The following INPP4B variants were observed in gnomAD, a reference collection of about 807,000 sequenced individuals.
INPP4B encodes inositol polyphosphate 4-phosphatase type II.
Under a neutral mutation model 122.5 loss-of-function variants are expected in INPP4B, and 55 were observed. The ratio of observed to expected loss-of-function variants is 0.45; its 90% CI spans 0.36 to 0.56. The LOEUF (loss-of-function observed/expected upper bound fraction) is 0.56. Ranked by LOEUF, INPP4B falls within the 20% of genes least tolerant of loss-of-function variation. The pLI, the probability that INPP4B is intolerant of heterozygous loss-of-function variation, is 0.00. For synonymous variants in INPP4B, 403 were observed against 388.7 expected, an observed-to-expected ratio of 1.04 and a Z score of -0.43; for missense variants, 1,000 against 1,097.7, an observed-to-expected ratio of 0.91 and a Z score of 1.26.
chr4:142,639,546 C>T lies in INPP4B; in HGVS notation c.-191+86293G>A, dbSNP rs144189073. On this transcript the variant is annotated intron_variant, in intron 2 of 25. Coordinates refer to ENST00000262992, the MANE Select transcript of INPP4B (RefSeq NM_001101669.3). Reference sequence around the variant, plus strand: ...AGTTGTTTATTAAAATACCTATATCCAAATATTTTTATAAATATTGACTCT... The same window carrying T: ...AGTTGTTTATTAAAATACCTATATCTAAATATTTTTATAAATATTGACTCT... 7.1e-3 allele frequency among the ~76,000 whole-genome samples: 1,075 copies of T among 152,128 alleles called. 19 individuals are homozygous for T. Among genetic ancestry groups the T allele is most frequent in the African/African-American group, 0.025 (1,019 of 41,484 alleles).
intron 2 of INPP4B, among the ~76,000 whole-genome samples, chr4:142,688,484 T>C (rs1759697705): frequency 6.6e-6 from 1 of 152,136 alleles, no homozygotes. Flanking sequence ...CCATATCCTT[T>C]CCTGTCTCCT....
chr4:142,511,444 T>C (rs1313681179), intron 2 of INPP4B, among the ~76,000 whole-genome samples: 2 of 152,176 alleles, frequency 1.3e-5, no homozygotes, highest in Non-Finnish European at 2.9e-5. Context: ...AGAAATCCTC[T>C]GTAGACATTG....
At chr4:142,738,646 T>C (rs1333247362) in intron 1 of INPP4B, among the ~76,000 whole-genome samples, 1 of 151,954 alleles carries the variant, frequency 6.6e-6, no homozygotes, top group Non-Finnish European at 1.5e-5. Context: ...CTTATAAACA[T>C]ATTAGATTCC....
intron 2 of INPP4B, among the ~76,000 whole-genome samples, chr4:142,636,931 G>C (rs115615095): frequency 1.3e-5 from 2 of 151,954 alleles, no homozygotes; most frequent in East Asian, 3.9e-4. Flanking sequence ...TCTTCCTATA[G>C]ATGATATTTT....
At chr4:142,569,444 T>A (rs1435409952) in intron 2 of INPP4B, among the ~76,000 whole-genome samples, 1 of 152,110 alleles carries the variant, frequency 6.6e-6, no homozygotes, top group African/African-American at 2.4e-5. Context: ...GTTTCATAAA[T>A]GTTAAATCAC....
intron 7 of INPP4B, among the ~76,000 whole-genome samples, chr4:142,348,920 T>C (rs1781131605): frequency 6.6e-6 from 1 of 152,020 alleles, no homozygotes; most frequent in African/African-American, 2.4e-5. Flanking sequence ...GATGATGTTA[T>C]GGGAAGCTGG....
At chr4:142,564,646 T>C (rs765075486) in intron 2 of INPP4B, among the ~76,000 whole-genome samples, 51 of 151,994 alleles carry the variant, frequency 3.4e-4, no homozygotes, top group Non-Finnish European at 6.9e-4. Flanking sequence ...TACCCATAAA[T>C]TAAGATTCAG....
intron 2 of INPP4B, among the ~76,000 whole-genome samples, chr4:142,492,791 T>C (rs1822045962): frequency 6.6e-6 from 1 of 152,172 alleles, no homozygotes; most frequent in Admixed American, 6.6e-5. Context: ...CCACATTTTC[T>C]GGGGAGAAAT....
chr4:142,212,009 G>A (rs1000515289), intron 12 of INPP4B, among the ~76,000 whole-genome samples: 4 of 151,988 alleles, frequency 2.6e-5, no homozygotes, highest in African/African-American at 7.3e-5. Context: ...TTGAGCAAGT[G>A]GTCAAAAATG....
intron 2 of INPP4B, among the ~76,000 whole-genome samples, chr4:142,616,921 C>T (rs1481508034): frequency 6.6e-6 from 1 of 151,924 alleles, no homozygotes; most frequent in Non-Finnish European, 1.5e-5. Context: ...GAATAATAGA[C>T]ACTGGAGACT....
intron 2 of INPP4B, among the ~76,000 whole-genome samples, chr4:142,714,195 T>C (rs1763474216): frequency 6.6e-6 from 1 of 152,172 alleles, no homozygotes; most frequent in African/African-American, 2.4e-5. Flanking sequence ...GTTCATCACA[T>C]GGGTCATAAA....
At chr4:142,753,297 AT>A (rs1361955113) in intron 1 of INPP4B, among the ~76,000 whole-genome samples, 1 of 152,128 alleles carries the variant, frequency 6.6e-6, no homozygotes. Context: ...GTGGTCAAAA[AT>A]AATAATATAG....
intron 9 of INPP4B, among the ~76,000 whole-genome samples, chr4:142,299,886 AT>A (rs1470243071): frequency 6.6e-6 from 1 of 152,014 alleles, no homozygotes; most frequent in African/African-American, 2.4e-5. Context: ...CTTGGATATG[AT>A]TTTTTAAAGT....
At chr4:142,466,921 G>T (rs1020768251) in intron 2 of INPP4B, among the ~76,000 whole-genome samples, 1 of 152,170 alleles carries the variant, frequency 6.6e-6, no homozygotes, top group Non-Finnish European at 1.5e-5. Flanking sequence ...AGCACAAGCT[G>T]CCATAAGCCT....
chr4:142,150,934 C>CA (rs968705099), intron 17 of INPP4B, among the ~76,000 whole-genome samples: 2 of 152,152 alleles, frequency 1.3e-5, no homozygotes, highest in Non-Finnish European at 2.9e-5. Flanking sequence ...AAGACTAAGC[C>CA]AGAGCTGATA....
At chr4:142,317,001 G>T (rs1377583155) in intron 7 of INPP4B, among the ~76,000 whole-genome samples, 1 of 152,164 alleles carries the variant, frequency 6.6e-6, no homozygotes, top group African/African-American at 2.4e-5. Flanking sequence ...TGCAATAAGT[G>T]CTATAATAGA....
At chr4:142,815,995 A>G (rs904879623) in intron 1 of INPP4B, among the ~76,000 whole-genome samples, 1 of 152,096 alleles carries the variant, frequency 6.6e-6, no homozygotes, top group African/African-American at 2.4e-5. Flanking sequence ...TCTGTTTTCT[A>G]TTGTGAAGTC....
chr4:142,680,035 A>G (rs568784943), intron 2 of INPP4B, among the ~76,000 whole-genome samples: 1 of 151,858 alleles, frequency 6.6e-6, no homozygotes, highest in African/African-American at 2.4e-5. Context: ...AGCAATGGAC[A>G]AGCTGGCTGG....
intron 1 of INPP4B, among the ~76,000 whole-genome samples, chr4:142,738,302 C>T (rs1767318466): frequency 6.6e-6 from 1 of 152,148 alleles, no homozygotes; most frequent in Non-Finnish European, 1.5e-5. Context: ...AGTTCATGTC[C>T]TTTGTAGGGA....
Sources: allele counts gnomAD v4.1 joint callset (sites outside exome capture counted in the v4.1 genomes callset), GRCh38; gene constraint gnomAD v4.1.1; transcripts MANE v1.5; gene names NCBI Gene and HGNC (gene_info 2026-07-23, HGNC 2026-07-21).